Variants in CNTNAP2 observed in about 807,000 individuals in gnomAD.
CNTNAP2 encodes the protein contactin associated protein 2.
A neutral mutation model predicts 155.2 loss-of-function variants in CNTNAP2; 98 were observed. The observed-to-expected ratio is 0.63, with a 90% confidence interval of 0.54 to 0.75. CNTNAP2 has a LOEUF of 0.75. Ranked by LOEUF, CNTNAP2 falls within the 30% of genes least tolerant of loss-of-function variation. CNTNAP2 has a pLI of 0.00. For missense variants in CNTNAP2, 1,727 were observed against 1,688.1 expected (o/e 1.02, Z -0.40); for synonymous variants, 651 against 631.2 (o/e 1.03, Z -0.47).
At chr7:146,494,368 A>G (rs932037128) in intron 1 of CNTNAP2, among the ~76,000 whole-genome samples, 2 of 151,646 alleles carry the variant, frequency 1.3e-5, no homozygotes, top group Admixed American at 6.6e-5. Flanking sequence ...TAAATAAATA[A>G]ATAAAAATAA....
intron 14 of CNTNAP2, among the ~76,000 whole-genome samples, chr7:147,908,541 T>G (rs533025886): frequency 6.6e-6 from 1 of 152,330 alleles, no homozygotes; most frequent in East Asian, 1.9e-4. Flanking sequence ...AAGCTGACTT[T>G]GGGTGTAGTC....
chr7:146,929,188 C>T (rs1563006380), intron 3 of CNTNAP2, among the ~76,000 whole-genome samples: 1 of 152,180 alleles, frequency 6.6e-6, no homozygotes, highest in Non-Finnish European at 1.5e-5. Flanking sequence ...GAGGCACCCC[C>T]CAGTAGGGGC....
chr7:146,179,592 GAA>G (rs1282453741), intron 1 of CNTNAP2, among the ~76,000 whole-genome samples: 1 of 152,070 alleles, frequency 6.6e-6, no homozygotes, highest in Admixed American at 6.6e-5. Context: ...TTGGGAACCT[GAA>G]GGTATCCTAG....
chr7:146,996,497 C>A lies in CNTNAP2; in HGVS notation c.403-47410C>A, dbSNP rs143498867. Reference sequence around the variant, plus strand: ...AAAAAGGAGATTATTTTCTTGATTTCTTTTTCAGGTAGTTTACTGTTAGTG... The same window carrying A: ...AAAAAGGAGATTATTTTCTTGATTTATTTTTCAGGTAGTTTACTGTTAGTG... On this transcript the variant is annotated intron_variant, in intron 3 of 23. Transcript: ENST00000361727. Among the ~76,000 whole-genome samples the A allele has an allele frequency of 3.3e-3, 504 of 151,876 alleles. 5 individuals are homozygous for A. Among genetic ancestry groups the A allele is most frequent in the African/African-American group, 0.011 (457 of 41,454 alleles).
chr7:146,935,140 C>T (rs920146578), intron 3 of CNTNAP2, among the ~76,000 whole-genome samples: 12 of 152,138 alleles, frequency 7.9e-5, no homozygotes, highest in African/African-American at 2.7e-4. Context: ...GGAAGTTTCT[C>T]CTCAGAAGAA....
At chr7:146,561,197 A>G (rs575981893) in intron 1 of CNTNAP2, among the ~76,000 whole-genome samples, 1 of 152,216 alleles carries the variant, frequency 6.6e-6, no homozygotes, top group East Asian at 1.9e-4. Context: ...GTAGAAGACA[A>G]TAGAAGAGGA....
intron 9 of CNTNAP2, among the ~76,000 whole-genome samples, chr7:147,384,265 G>A (rs1376429838): frequency 6.6e-6 from 1 of 152,124 alleles, no homozygotes; most frequent in African/African-American, 2.4e-5. Context: ...GAAGAGTAAA[G>A]TATATATTAC....
chr7:148,239,853 T>C (rs1347520638), intron 20 of CNTNAP2, among the ~76,000 whole-genome samples: 1 of 152,162 alleles, frequency 6.6e-6, no homozygotes, highest in East Asian at 1.9e-4. Flanking sequence ...AAGATCCTGC[T>C]GAAGAAGACA....
intron 4 of CNTNAP2, among the ~76,000 whole-genome samples, chr7:147,062,712 C>T (rs1444421893): frequency 6.6e-6 from 1 of 152,092 alleles, no homozygotes; most frequent in African/African-American, 2.4e-5. Context: ...ATTATTGCTG[C>T]TGTTGTTCTT....
At position 147,727,662 on chromosome 7, in the gene CNTNAP2, C is replaced by T. The variant is rs148121967; in HGVS notation, c.2098+88356C>T. Among the ~76,000 whole-genome samples the T allele has an allele frequency of 3.2e-3, 487 of 151,366 alleles. 6 individuals are homozygous for T. The highest frequency in any genetic ancestry group is 0.011 in the African/African-American group (458 of 41,234). ...TTATTTTACAGGTGAGGAAGCAGCT[C>T]GTAGCATTTTAGTAACATGTCCAGA... On this transcript the variant is annotated intron_variant, in intron 13 of 23. Coordinates refer to ENST00000361727, the MANE Select transcript of CNTNAP2 (RefSeq NM_014141.6).
rs1476220938 is a variant in CNTNAP2 at position 148,147,501 on chromosome 7, A to G, written c.2565A>G (p.Glu855=). 1 of 1,614,110 alleles carries G rather than the reference A, an allele frequency of 6.2e-7. No homozygotes were observed. Residue 855 remains glutamate (E), a synonymous_variant, in exon 17 of 24, where the codon GAA becomes GAG. Transcript: ENST00000361727. The part of the protein sequence containing the change: ...FIKLELKSAT[E]VSFSFDVGNG... ...TTTCTGCTCCTCCAGCTGCCACAGA[A>G]GTGTCCTTTTCATTTGATGTGGGAA...
chr7:147,799,874 C>T (rs1172835891), intron 13 of CNTNAP2, among the ~76,000 whole-genome samples: 1 of 152,170 alleles, frequency 6.6e-6, no homozygotes, highest in African/African-American at 2.4e-5. Flanking sequence ...ATAGTTGAGG[C>T]AGAATACTAT....
At chr7:146,745,059 G>T (rs1801786252) in intron 1 of CNTNAP2, among the ~76,000 whole-genome samples, 1 of 152,112 alleles carries the variant, frequency 6.6e-6, no homozygotes, top group Admixed American at 6.5e-5. Flanking sequence ...CTAGGGCTTT[G>T]AAAGGCAGAG....
chr7:146,995,353 T>A (rs568568879), intron 3 of CNTNAP2, among the ~76,000 whole-genome samples: 9 of 152,206 alleles, frequency 5.9e-5, no homozygotes, highest in Admixed American at 1.3e-4. Flanking sequence ...TCTATACCAT[T>A]AACAAAAGTG....
intron 3 of CNTNAP2, among the ~76,000 whole-genome samples, chr7:146,914,848 T>C (rs985775161): frequency 1.3e-5 from 2 of 152,112 alleles, no homozygotes; most frequent in African/African-American, 4.8e-5. Flanking sequence ...TTTTTTTGTT[T>C]TTTTTGCATT....
intron 1 of CNTNAP2, among the ~76,000 whole-genome samples, chr7:146,121,636 A>T (rs543301143): frequency 6.6e-6 from 1 of 152,166 alleles, no homozygotes; most frequent in South Asian, 2.1e-4. Flanking sequence ...AACAGCGTAT[A>T]TAGTAATTTT....
At chr7:146,247,262 C>T (rs1337082730) in intron 1 of CNTNAP2, among the ~76,000 whole-genome samples, 1 of 152,146 alleles carries the variant, frequency 6.6e-6, no homozygotes, top group African/African-American at 2.4e-5. Context: ...TTAACCTTGA[C>T]TATGCCTTTA....
intron 8 of CNTNAP2, among the ~76,000 whole-genome samples, chr7:147,242,002 C>G (rs1584813980): frequency 6.6e-6 from 1 of 152,226 alleles, no homozygotes; most frequent in Non-Finnish European, 1.5e-5. Context: ...AATATGTTCA[C>G]TTTTATTTCT....
chr7:148,392,113 C>G (rs561078124), intron 22 of CNTNAP2, among the ~76,000 whole-genome samples: 1 of 152,304 alleles, frequency 6.6e-6, no homozygotes, highest in African/African-American at 2.4e-5. Flanking sequence ...CTCGCTCTGT[C>G]ACTAGGCTGG....
Sources: gnomAD v4.1 joint callset for allele counts (sites outside exome capture counted in the v4.1 genomes callset) on GRCh38, gnomAD v4.1.1 for gene constraint, MANE v1.5 for transcripts, NCBI Gene and HGNC (gene_info 2026-07-23, HGNC 2026-07-21) for gene names.